CCNY: variants seen among roughly 807,000 people sequenced by gnomAD.
The protein encoded by CCNY is cyclin-Y.
Under a neutral mutation model 42.8 loss-of-function variants are expected in CCNY, and 19 were observed. The observed-to-expected ratio is 0.44, with a 90% CI of 0.31 to 0.65. The LOEUF is 0.65. Among genes scored for constraint, CCNY ranks in the 30% least tolerant of loss-of-function variants. The pLI, the probability that CCNY is intolerant of heterozygous loss-of-function variation, is 0.07. For synonymous variants in CCNY, 165 were observed against 162.7 expected (o/e 1.01, Z -0.11); for missense variants, 370 against 437.3 (o/e 0.85, Z 1.37).
intron 2 of CCNY, among the ~76,000 whole-genome samples, chr10:35,485,255 A>T (rs144375213): frequency 5.4e-4 from 83 of 152,326 alleles, no homozygotes; most frequent in Non-Finnish European, 1.1e-3. Flanking sequence ...AGAGTGACCT[A>T]AGGACATTTT....
At chr10:35,298,391 T>A (rs545193727) in intron 3 of CCNY, among the ~76,000 whole-genome samples, 1 of 152,358 alleles carries the variant, frequency 6.6e-6, no homozygotes, top group South Asian at 2.1e-4. Context: ...TTTCTAGAAT[T>A]TTCTATAAAT....
intron 1 of CCNY, among the ~76,000 whole-genome samples, chr10:35,421,711 AG>A (rs1352018388): frequency 1.3e-5 from 2 of 152,066 alleles, no homozygotes; most frequent in African/African-American, 4.8e-5. Context: ...GTTTTCCTCC[AG>A]GATGCCGTTC....
upstream of CCNY, among the ~76,000 whole-genome samples, chr10:35,333,996 A>G (rs1037211564): frequency 1.4e-5 from 2 of 139,410 alleles, no homozygotes; most frequent in African/African-American, 5.4e-5. Context: ...ACAGGTACAT[A>G]CCTAAGGGGA....
rs1313078083 is a variant in CCNY at position 35,571,869 on chromosome 10, CTTTAA to C, written c.*2703_*2707del. 1.3e-5 allele frequency: 2 copies of C among 152,150 alleles called. No individual in the cohort carries two copies. Among genetic ancestry groups the C allele is most frequent in the Non-Finnish European group, 2.9e-5 (2 of 68,010 alleles). 9.4% of individuals were successfully genotyped at this position (152,150 alleles called of 1,614,324 possible). Reference sequence around the variant, plus strand: ...ATGAAGGAAACGACACAATTTGTTACTTTAATTTTATATTTGATTTAAACAACAAA... The same window carrying C: ...ATGAAGGAAACGACACAATTTGTTACTTTTATATTTGATTTAAACAACAAA... On this transcript the variant is annotated 3_prime_UTR_variant, in exon 10 of 10. Transcript: ENST00000374704.
At chr10:35,394,081 T>C (rs905922278) in intron 1 of CCNY, among the ~76,000 whole-genome samples, 1 of 152,204 alleles carries the variant, frequency 6.6e-6, no homozygotes, top group African/African-American at 2.4e-5. Flanking sequence ...CACTCTCCAG[T>C]GCTCCGTGCA....
At chr10:35,328,848 C>T (rs1043880837) in intron 3 of CCNY, among the ~76,000 whole-genome samples, 4 of 152,184 alleles carry the variant, frequency 2.6e-5, no homozygotes, top group African/African-American at 9.6e-5. Flanking sequence ...TGCAGATTTA[C>T]CTAGAAAGGG....
At chr10:35,364,334 C>A (rs867102876) in intron 1 of CCNY, among the ~76,000 whole-genome samples, 30 of 151,992 alleles carry the variant, frequency 2.0e-4, no homozygotes, top group African/African-American at 7.0e-4. Flanking sequence ...TTATTCTTAC[C>A]TTTTTCAAGG....
chr10:35,485,293 T>TGGCACTTGCTGTCACCAA (rs1839759730), intron 2 of CCNY, among the ~76,000 whole-genome samples: 1 of 152,264 alleles, frequency 6.6e-6, no homozygotes, highest in African/African-American at 2.4e-5. Flanking sequence ...CCCATGTATG[T>TGGCACTTGCTGTCACCAA]GGCACTTGCT....
intron 9 of CCNY, among the ~76,000 whole-genome samples, chr10:35,568,735 G>C (rs139338827): frequency 6.6e-6 from 1 of 152,234 alleles, no homozygotes; most frequent in African/African-American, 2.4e-5. Context: ...AACAGCACGC[G>C]TGTGGGTGGG....
chr10:35,302,370 G>A lies in CCNY; in HGVS notation c.-9+51744G>A, dbSNP rs190069346. ...CTGTCACCCAGGCTGGAGTGCAGTGGCGCGATCTCGGCTCACTGCAACCTC... is the reference window on the plus strand; with the variant it reads ...CTGTCACCCAGGCTGGAGTGCAGTGACGCGATCTCGGCTCACTGCAACCTC... On this transcript the variant is annotated intron_variant, in intron 3 of 11. Coordinates refer to the CCNY transcript ENST00000374706. Among the ~76,000 whole-genome samples the A allele has an allele frequency of 9.9e-5, 15 of 150,762 alleles. No homozygotes were observed. In the East Asian group the frequency reaches 2.9e-3, roughly 29 times the overall value.
chr10:35,487,718 G>A (rs970755360), intron 2 of CCNY, among the ~76,000 whole-genome samples: 29 of 152,056 alleles, frequency 1.9e-4, no homozygotes, highest in Admixed American at 1.8e-3. Context: ...TGAAGGTAAG[G>A]GTATTTTATC....
At chr10:35,265,880 C>T (rs2095724633) in intron 3 of CCNY, among the ~76,000 whole-genome samples, 1 of 152,158 alleles carries the variant, frequency 6.6e-6, no homozygotes, top group African/African-American at 2.4e-5. Context: ...CCCACGCTGT[C>T]AGAGTCACAC....
At chr10:35,342,577 G>A (rs1374919744) in intron 1 of CCNY, among the ~76,000 whole-genome samples, 2 of 152,172 alleles carry the variant, frequency 1.3e-5, no homozygotes, top group East Asian at 3.9e-4. Flanking sequence ...TTTTACAGGT[G>A]GGAAGACTGA....
chr10:35,489,467 A>T (rs1839855503), intron 2 of CCNY, among the ~76,000 whole-genome samples: 1 of 151,750 alleles, frequency 6.6e-6, no homozygotes, highest in Non-Finnish European at 1.5e-5. Context: ...CGCCCAGCTA[A>T]TTTTTTGTAT....
intron 3 of CCNY, among the ~76,000 whole-genome samples, chr10:35,515,269 G>A (rs12355023): frequency 0.02 from 3,110 of 152,268 alleles, 55 homozygotes; most frequent in Middle Eastern, 0.034. Context: ...CTAGGGCTCC[G>A]AGGGTCAGGA....
chr10:35,338,217 A>G (rs777434930), intron 1 of CCNY, among the ~76,000 whole-genome samples: 10 of 152,192 alleles, frequency 6.6e-5, no homozygotes, highest in Non-Finnish European at 1.2e-4. Context: ...GTTCCTGTCC[A>G]CTTTAGGATG....
Position 35,475,318 on chromosome 10 carries a change from C to T in CCNY, c.155-8086C>T, listed in dbSNP as rs576998336. On this transcript the variant is annotated intron_variant, in intron 1 of 9. Transcript: ENST00000374704. Reference sequence around the variant, plus strand: ...CAAAGATACTCCTCGAGAAGAGCAACTCCAAGACACATAATTTTCAAATTC... The same window carrying T: ...CAAAGATACTCCTCGAGAAGAGCAATTCCAAGACACATAATTTTCAAATTC... Among the ~76,000 whole-genome samples, 381 of 152,192 alleles carry T rather than the reference C, an allele frequency of 2.5e-3. 1 individual carries two copies. The highest frequency in any genetic ancestry group is 6.4e-3 in the South Asian group (31 of 4,822).
chr10:35,523,989 G>A (rs1342006187), intron 4 of CCNY, among the ~76,000 whole-genome samples: 1 of 152,154 alleles, frequency 6.6e-6, no homozygotes, highest in Non-Finnish European at 1.5e-5. Context: ...CTAATCACAT[G>A]AAATATTCCT....
chr10:35,376,770 T>C (rs180944974), intron 1 of CCNY, among the ~76,000 whole-genome samples: 7 of 152,196 alleles, frequency 4.6e-5, no homozygotes, highest in Admixed American at 1.3e-4. Flanking sequence ...TTTAAAACAT[T>C]ATGGTAGGTG....
Sources: gnomAD v4.1 joint callset for allele counts (sites outside exome capture counted in the v4.1 genomes callset) on GRCh38, gnomAD v4.1.1 for gene constraint, MANE v1.5 for transcripts, NCBI Gene and HGNC (gene_info 2026-07-23, HGNC 2026-07-21) for gene names.